The following SIAH3 variants were observed in gnomAD, a reference collection of about 807,000 sequenced individuals.
The protein encoded by SIAH3 is seven in absentia homolog 3.
A neutral mutation model predicts 12.6 loss-of-function variants in SIAH3; 9 were observed. That is an observed-to-expected ratio of 0.72 (90% CI 0.43 to 1.25). SIAH3 has a LOEUF of 1.25. SIAH3 is among the 50% of genes most tolerant of loss of function. The probability of loss-of-function intolerance (pLI) is 0.00; values close to 1 mark genes in which losing one functional copy is unlikely to be tolerated. For missense variants in SIAH3, 390 were observed against 365.4 expected (o/e 1.07, Z -0.55); for synonymous variants, 154 against 151.1 (o/e 1.02, Z -0.14).
Position 45,779,376 on chromosome 13 carries a change from A to G in SIAH3, c.*4007T>C, listed in dbSNP as rs1950495537. ...CAACCAGAATACAAGCAGCTCTAGT[A>G]CTCCACTAGGTCTTGGGTTGAAAAA... is the stretch of plus-strand genomic sequence containing the variant. On this transcript the variant is annotated 3_prime_UTR_variant, in exon 2 of 2. Coordinates refer to ENST00000400405, the MANE Select transcript of SIAH3 (RefSeq NM_198849.3). 6.6e-6 allele frequency: 1 copy of G among 152,106 alleles called. No homozygotes were observed. Among genetic ancestry groups the G allele is most frequent in the African/African-American group, 2.4e-5 (1 of 41,418 alleles). 9.4% of individuals were successfully genotyped at this position (152,106 alleles called of 1,614,324 possible). A position where few individuals can be genotyped will look rare whatever the true frequency, so the allele number is the denominator to read the frequency against.
intron 1 of SIAH3, 36 bp downstream of exon 1, chr13:45,851,459 T>C (rs1950781579): frequency 6.2e-7 from 1 of 1,611,388 alleles, no homozygotes; most frequent in South Asian, 1.1e-5. Flanking sequence ...GACTTGAACC[T>C]GAGCCCGGTG....
intron 1 of SIAH3, among the ~76,000 whole-genome samples, chr13:45,824,676 GC>G (rs149864320): frequency 0.11 from 16,548 of 152,082 alleles, 1,271 homozygotes; most frequent in African/African-American, 0.21. Context: ...GACACATAGA[GC>G]CTGGCACACA....
At chr13:45,786,051 A>C (rs1950526737) in intron 1 of SIAH3, among the ~76,000 whole-genome samples, 1 of 152,204 alleles carries the variant, frequency 6.6e-6, no homozygotes, top group Non-Finnish European at 1.5e-5. Context: ...CCTTATTAAA[A>C]AATAAAAATC....
intron 1 of SIAH3, among the ~76,000 whole-genome samples, chr13:45,849,277 G>A (rs539871251): frequency 2.6e-5 from 4 of 152,136 alleles, no homozygotes; most frequent in Non-Finnish European, 4.4e-5. Flanking sequence ...GTTTTTTTGT[G>A]TGCGAAATGA....
At chr13:45,806,122 T>C (rs527337552) in intron 1 of SIAH3, among the ~76,000 whole-genome samples, 1 of 152,306 alleles carries the variant, frequency 6.6e-6, no homozygotes, top group South Asian at 2.1e-4. Flanking sequence ...TTGGTGGAAA[T>C]GTAAATTAGT....
intron 1 of SIAH3, among the ~76,000 whole-genome samples, chr13:45,786,358 C>T (rs1298927972): frequency 6.6e-6 from 1 of 152,200 alleles, no homozygotes; most frequent in African/African-American, 2.4e-5. Flanking sequence ...AGGAGAGAAA[C>T]ATTTTATGTT....
chr13:45,796,769 CCT>C (rs1328149259), intron 1 of SIAH3, among the ~76,000 whole-genome samples: 1 of 152,204 alleles, frequency 6.6e-6, no homozygotes, highest in Non-Finnish European at 1.5e-5. Flanking sequence ...AATGGCTCCT[CCT>C]CTCTGCAATG....
In SIAH3 at chr13:45,845,900, GT is replaced by G. The variant is rs371143891; in HGVS notation, c.135+5594del. On this transcript the variant is annotated intron_variant, in intron 1 of 1. Coordinates refer to ENST00000400405, the MANE Select transcript of SIAH3 (RefSeq NM_198849.3). ...TGTGGTAAAGGGGAGATGGTAGAGT[GT>G]GTGGTACAGCCCAGGGTGTCATGCT... 3.4e-3 allele frequency among the ~76,000 whole-genome samples: 520 copies of G among 151,992 alleles called. 5 individuals are homozygous for G. The highest frequency in any genetic ancestry group is 0.012 in the African/African-American group (488 of 41,412).
At chr13:45,786,507 G>A (rs1395546496) in intron 1 of SIAH3, among the ~76,000 whole-genome samples, 1 of 152,156 alleles carries the variant, frequency 6.6e-6, no homozygotes, top group Non-Finnish European at 1.5e-5. Flanking sequence ...TTCACAGGCT[G>A]GAGGTCGAAA....
intron 1 of SIAH3, among the ~76,000 whole-genome samples, chr13:45,826,063 T>C (rs1268439430): frequency 1.3e-5 from 2 of 152,248 alleles, no homozygotes; most frequent in East Asian, 1.9e-4. Flanking sequence ...GTTCAGTGCA[T>C]GTTCTTTTCA....
intron 1 of SIAH3, among the ~76,000 whole-genome samples, chr13:45,812,872 T>C (rs1950620828): frequency 1.3e-5 from 2 of 152,332 alleles, no homozygotes; most frequent in South Asian, 4.1e-4. Flanking sequence ...AAGTTTTGCA[T>C]GTCTTCACAT....
At chr13:45,835,887 T>G (rs1359554411) in intron 1 of SIAH3, among the ~76,000 whole-genome samples, 1 of 152,264 alleles carries the variant, frequency 6.6e-6, no homozygotes, top group Non-Finnish European at 1.5e-5. Flanking sequence ...CGCCTGATTC[T>G]TTCCCTGTTC....
intron 1 of SIAH3, among the ~76,000 whole-genome samples, chr13:45,784,398 G>GTTTTTTTTTTTTTTTTTTTTTTTTTTT: frequency 1.5e-5 from 1 of 65,838 alleles, no homozygotes; most frequent in African/African-American, 6.5e-5. Context: ...AAAGACAGCT[G>GTTTTTTTTTTTTTTTTTTTTTTTTTTT]TTTTTTTTTT....
chr13:45,830,953 C>T (rs1992007), intron 1 of SIAH3, among the ~76,000 whole-genome samples: 32,204 of 151,942 alleles, frequency 0.21, 3,988 homozygotes, highest in East Asian at 0.38. Flanking sequence ...CTGAGGCAGG[C>T]GGATCACCTG....
chr13:45,788,383 G>A (rs527483414), intron 1 of SIAH3, among the ~76,000 whole-genome samples: 1 of 152,250 alleles, frequency 6.6e-6, no homozygotes, highest in African/African-American at 2.4e-5. Context: ...TAAACCTAAT[G>A]AACTCTTACA....
At chr13:45,830,442 C>T (rs1232947993) in intron 1 of SIAH3, among the ~76,000 whole-genome samples, 2 of 152,240 alleles carry the variant, frequency 1.3e-5, no homozygotes, top group Non-Finnish European at 2.9e-5. Flanking sequence ...TGGGGATGCA[C>T]ATTCCTCAAG....
intron 1 of SIAH3, among the ~76,000 whole-genome samples, chr13:45,841,346 C>A (rs1050778676): frequency 2.6e-5 from 4 of 152,200 alleles, no homozygotes; most frequent in Admixed American, 2.6e-4. Context: ...TAATGCCAAG[C>A]TAACCCTGCC....
rs1950515732 is a variant in SIAH3 at position 45,783,914 on chromosome 13, CTGGTGGTGAAGGTGGTGGGGGTGGGCG to C, written c.252_278del (p.His84_His92del). The C allele has an allele frequency of 1.2e-6, 2 of 1,610,884 alleles. No homozygotes were observed. The highest frequency in any genetic ancestry group is 2.2e-5 in the East Asian group (1 of 44,852). On this transcript the variant is annotated inframe_deletion, in exon 2 of 2. Transcript: ENST00000400405. ...CCGGGTTGGCGTGCAGCCCCGCCTCCTGGTGGTGAAGGTGGTGGGGGTGGGCGTGGTGGCGGAGGTGGTGGTGGTGGC... is the reference window on the plus strand; with the variant it reads ...CCGGGTTGGCGTGCAGCCCCGCCTCCTGGTGGCGGAGGTGGTGGTGGTGGC...
intron 1 of SIAH3, among the ~76,000 whole-genome samples, chr13:45,851,199 C>T (rs2137589693): frequency 2.0e-5 from 3 of 152,254 alleles, no homozygotes; most frequent in Admixed American, 2.0e-4. Context: ...GTTCCCTCCA[C>T]CACCCTCACT....
Sources: allele counts gnomAD v4.1 joint callset (sites outside exome capture counted in the v4.1 genomes callset), GRCh38; gene constraint gnomAD v4.1.1; transcripts MANE v1.5; gene names NCBI Gene and HGNC (gene_info 2026-07-23, HGNC 2026-07-21).